The following MAP4 variants were observed in gnomAD, a reference collection of about 807,000 sequenced individuals.
MAP4 encodes the protein microtubule associated protein 4.
MAP4 carries 76 observed loss-of-function variants against 170.2 expected under a neutral mutation model. The ratio of observed to expected loss-of-function variants is 0.45; its 90% CI spans 0.37 to 0.54. The LOEUF (loss-of-function observed/expected upper bound fraction) is 0.54. Among genes scored for constraint, MAP4 ranks in the 20% least tolerant of loss-of-function variants. The pLI, the probability that MAP4 is intolerant of heterozygous loss-of-function variation, is 0.00. For synonymous variants in MAP4, 909 were observed against 994.5 expected (o/e 0.91, Z 1.62); for missense variants, 2,506 against 2,748.0 (o/e 0.91, Z 1.97).
At chr3:47,885,842 C>A (rs2097507026) in intron 10 of MAP4, among the ~76,000 whole-genome samples, 1 of 151,842 alleles carries the variant, frequency 6.6e-6, no homozygotes, top group African/African-American at 2.4e-5. Context: ...CATTCTCCTG[C>A]CTCAGCCTCC....
chr3:48,005,177 T>C (rs1389639353), intron 1 of MAP4, among the ~76,000 whole-genome samples: 1 of 152,100 alleles, frequency 6.6e-6, no homozygotes, highest in Non-Finnish European at 1.5e-5. Context: ...CTGGCCAACA[T>C]AGTGAAACCC....
At chr3:48,073,537 G>A (rs2100142113) in intron 1 of MAP4, among the ~76,000 whole-genome samples, 1 of 151,812 alleles carries the variant, frequency 6.6e-6, no homozygotes, top group Non-Finnish European at 1.5e-5. Context: ...CTTGAACCCA[G>A]GAGGCGGAGG....
intron 3 of MAP4, among the ~76,000 whole-genome samples, chr3:47,947,804 C>CA (rs554803000): frequency 0.02 from 999 of 49,858 alleles, 9 homozygotes; most frequent in African/African-American, 0.039. Flanking sequence ...GAGAGAGTCT[C>CA]AAAAAAAAAA....
intron 1 of MAP4, among the ~76,000 whole-genome samples, chr3:48,015,166 T>C (rs1199114992): frequency 6.6e-6 from 1 of 152,120 alleles, no homozygotes; most frequent in Admixed American, 6.6e-5. Context: ...GCAAATCATT[T>C]TGAGTTCCAA....
At chr3:48,039,840 T>C (rs2100120717) in intron 1 of MAP4, among the ~76,000 whole-genome samples, 1 of 152,246 alleles carries the variant, frequency 6.6e-6, no homozygotes, top group African/African-American at 2.4e-5. Flanking sequence ...GCTAACAGAC[T>C]GGTTTTTAAT....
chr3:48,061,857 G>A (rs1181863085), intron 1 of MAP4, among the ~76,000 whole-genome samples: 36 of 143,464 alleles, frequency 2.5e-4, no homozygotes, highest in Non-Finnish European at 4.5e-4. Context: ...GCCCCCGCCC[G>A]GCCAGCCACC....
At chr3:47,900,667 T>C (rs1577295660) in intron 10 of MAP4, among the ~76,000 whole-genome samples, 1 of 151,862 alleles carries the variant, frequency 6.6e-6, no homozygotes, top group Non-Finnish European at 1.5e-5. Context: ...ACCTGGGAGG[T>C]GGAGATTACA....
chr3:47,878,870 A>T (rs2096082293), intron 10 of MAP4, among the ~76,000 whole-genome samples: 1 of 152,238 alleles, frequency 6.6e-6, no homozygotes, highest in Non-Finnish European at 1.5e-5. Context: ...TATTGTCAAA[A>T]GTCCTAAAAT....
chr3:47,947,475 C>T (rs2100060831), intron 3 of MAP4, among the ~76,000 whole-genome samples: 1 of 152,024 alleles, frequency 6.6e-6, no homozygotes, highest in South Asian at 2.1e-4. Context: ...TAGTGTACAA[C>T]AAGGGAGGAA....
Position 47,928,283 on chromosome 3 carries a change from T to C in MAP4, c.360A>G (p.Pro120=). The change falls in exon 4 of 21, where the codon CCA becomes CCG. Residue 120 remains proline (P), a synonymous_variant. Transcript: ENST00000683076. ...GTTGGAAACAAAAGTTGGTATCTTC[T>C]GGCCAGTTCTGGCTATTTGGGTATT... ...YQEYPNSQNW[P]EDTNFCFQPE... is the part of the protein sequence containing the mutation. 1 of 1,614,178 alleles carries C rather than the reference T, an allele frequency of 6.2e-7. No individual in the cohort carries two copies. Among genetic ancestry groups the C allele is most frequent in the South Asian group, 1.1e-5 (1 of 91,082 alleles).
chr3:48,081,906 G>A, intron 1 of MAP4, among the ~76,000 whole-genome samples: 1 of 152,148 alleles, frequency 6.6e-6, no homozygotes, highest in East Asian at 1.9e-4. Flanking sequence ...GGCAGGTAAA[G>A]TACAAGATGA....
At chr3:47,901,452 G>C (rs1339195128) in intron 10 of MAP4, among the ~76,000 whole-genome samples, 1 of 152,114 alleles carries the variant, frequency 6.6e-6, no homozygotes, top group African/African-American at 2.4e-5. Context: ...GAGGTGGACG[G>C]ATCACTTGAG....
intron 2 of MAP4, chr3:47,987,270 ATAT>A (rs1293913013): frequency 1.4e-6 from 1 of 713,116 alleles, no homozygotes; most frequent in Non-Finnish European, 2.1e-6. Flanking sequence ...AGTAAACAAA[ATAT>A]TATTCCTGTG....
Position 47,871,990 on chromosome 3 carries a change from T to C in MAP4, c.5868A>G (p.Thr1956=), listed in dbSNP as rs769553485. Residue 1956 remains threonine (T), a synonymous_variant, in exon 13 of 21, where the codon ACA becomes ACG. Coordinates refer to ENST00000683076, the MANE Select transcript of MAP4 (RefSeq NM_001385682.1). ...SKSTQTVAKT[T]TAAAVASTGP... is the part of the protein sequence containing the mutation. The stretch of plus-strand genomic sequence containing the variant: ...CAGTTGAGGCAACAGCAGCAGCTGT[T>C]GTGGTTTTTGCAACAGTCTGAGTGC... The C allele has an allele frequency of 5.0e-6, 8 of 1,613,904 alleles. No homozygotes were observed. Among genetic ancestry groups the C allele is most frequent in the Admixed American group, 1.7e-5 (1 of 59,988 alleles).
At chr3:47,891,368 G>A (rs766485667) in intron 10 of MAP4, 2 of 1,536,024 alleles carry the variant, frequency 1.3e-6, no homozygotes, top group South Asian at 2.4e-5. Context: ...AGACAAGATG[G>A]GCAGTTTCCC....
At position 48,002,975 on chromosome 3, in the gene MAP4, A is replaced by AATTAATT. The variant is rs1559772607; in HGVS notation, c.-19-4097_-19-4096insAATTAAT. 3.2e-3 allele frequency among the ~76,000 whole-genome samples: 476 copies of AATTAATT among 150,346 alleles called. 3 individuals carry two copies. Among genetic ancestry groups the AATTAATT allele is most frequent in the African/African-American group, 0.011 (445 of 40,850 alleles). On this transcript the variant is annotated intron_variant, in intron 1 of 20. Transcript: ENST00000683076. ...GCCAAAAATAAATAAATAAATAAAT[A>AATTAATT]AATAAATAAATAAATAAATTTAATT...
chr3:48,064,956 C>A (rs1219950886), intron 1 of MAP4, among the ~76,000 whole-genome samples: 1 of 152,006 alleles, frequency 6.6e-6, no homozygotes, highest in African/African-American at 2.4e-5. Context: ...TAGAAAGTAC[C>A]CATCTCTACA....
chr3:47,891,182 T>C, intron 10 of MAP4: 1 of 1,536,240 alleles, frequency 6.5e-7, no homozygotes, highest in African/African-American at 1.4e-5. Context: ...AAAATCTTCC[T>C]GCCCTTTTTC....
chr3:47,859,869 A>G (rs1032555210), intron 17 of MAP4, among the ~76,000 whole-genome samples: 1 of 152,182 alleles, frequency 6.6e-6, no homozygotes, highest in Admixed American at 6.5e-5. Flanking sequence ...CAGCACAGAT[A>G]CCTCCTCCTA....
Sources: gnomAD v4.1 joint callset for allele counts (sites outside exome capture counted in the v4.1 genomes callset) on GRCh38, gnomAD v4.1.1 for gene constraint, MANE v1.5 for transcripts, NCBI Gene and HGNC (gene_info 2026-07-23, HGNC 2026-07-21) for gene names.